The following DAPK1 variants were observed in gnomAD, a reference collection of about 807,000 sequenced individuals.
DAPK1 encodes death associated protein kinase 1.
Under a neutral mutation model 144.9 loss-of-function variants are expected in DAPK1, and 56 were observed. That is an observed-to-expected ratio of 0.39 (90% CI 0.31 to 0.48). DAPK1 has a LOEUF of 0.48. DAPK1 is among the 20% of genes least tolerant of loss of function. The probability of loss-of-function intolerance (pLI) is 0.95; values close to 1 mark genes in which losing one functional copy is unlikely to be tolerated. For synonymous variants in DAPK1, 690 were observed against 749.0 expected, an observed-to-expected ratio of 0.92 and a Z score of 1.29; for missense variants, 1,454 against 1,875.4, an observed-to-expected ratio of 0.78 and a Z score of 4.15.
chr9:87,585,816 G>A (rs1050920676), intron 2 of DAPK1, among the ~76,000 whole-genome samples: 1 of 152,178 alleles, frequency 6.6e-6, no homozygotes, highest in Non-Finnish European at 1.5e-5. Flanking sequence ...AAGATGTGCT[G>A]TGTGTGTGTA....
chr9:87,676,175 A>AG (rs1824371131), intron 19 of DAPK1, among the ~76,000 whole-genome samples: 1 of 152,198 alleles, frequency 6.6e-6, no homozygotes, highest in African/African-American at 2.4e-5. Flanking sequence ...CACCTGGCCC[A>AG]GCCAGGGAGG....
At chr9:87,647,469 T>G (rs1830308566) in intron 14 of DAPK1, 66 bp downstream of exon 14, 2 of 1,342,162 alleles carry the variant, frequency 1.5e-6, no homozygotes, top group African/African-American at 2.9e-5. Flanking sequence ...GTGTGAGTGC[T>G]GGCCTACCGT....
chr9:87,514,154 C>T (rs1033825693), intron 2 of DAPK1, among the ~76,000 whole-genome samples: 2 of 152,136 alleles, frequency 1.3e-5, no homozygotes, highest in African/African-American at 4.8e-5. Flanking sequence ...GAGGCTAGAG[C>T]TGGTGTAGGG....
chr9:87,515,786 C>T (rs1171526093), intron 2 of DAPK1, among the ~76,000 whole-genome samples: 1 of 152,138 alleles, frequency 6.6e-6, no homozygotes, highest in East Asian at 1.9e-4. Context: ...GTAACAGCTT[C>T]CACCAGGGTG....
At chr9:87,644,528 G>A (rs1005947347) in intron 11 of DAPK1, among the ~76,000 whole-genome samples, 2 of 151,980 alleles carry the variant, frequency 1.3e-5, no homozygotes, top group Non-Finnish European at 1.5e-5. Flanking sequence ...AGTGAAATGG[G>A]ATTGGAGATG....
chr9:87,572,893 T>C (rs377337040), intron 2 of DAPK1, among the ~76,000 whole-genome samples: 2 of 152,206 alleles, frequency 1.3e-5, no homozygotes, highest in African/African-American at 2.4e-5. Flanking sequence ...ATGAAGCCCA[T>C]GCTGCGGCCC....
intron 3 of DAPK1, among the ~76,000 whole-genome samples, chr9:87,619,210 A>C (rs564800871): frequency 6.8e-4 from 103 of 152,248 alleles, no homozygotes; most frequent in African/African-American, 2.4e-3. Context: ...TTGTTTTTGT[A>C]CTTGTGTTTT....
At chr9:87,610,151 A>G (rs36208055) in intron 3 of DAPK1, among the ~76,000 whole-genome samples, 5,530 of 152,320 alleles carry the variant, frequency 0.036, 181 homozygotes, top group East Asian at 0.12. Context: ...CTTTAAAGGC[A>G]TATGTTTTTC....
chr9:87,557,634 G>A (rs997309349), intron 2 of DAPK1, among the ~76,000 whole-genome samples: 9 of 151,980 alleles, frequency 5.9e-5, no homozygotes, highest in African/African-American at 2.2e-4. Context: ...AAAATGTGTT[G>A]GATTTTAAAA....
intron 19 of DAPK1, among the ~76,000 whole-genome samples, chr9:87,676,507 G>A (rs556883429): frequency 4.6e-5 from 7 of 152,368 alleles, no homozygotes; most frequent in South Asian, 2.1e-4. Flanking sequence ...TGAGCAGGAC[G>A]AGGGGTCATC....
intron 2 of DAPK1, among the ~76,000 whole-genome samples, chr9:87,534,796 C>T (rs1407496589): frequency 1.3e-5 from 2 of 152,002 alleles, no homozygotes; most frequent in Non-Finnish European, 2.9e-5. Flanking sequence ...AGGCACGTGC[C>T]ACCACGCCTG....
chr9:87,548,443 C>T (rs1405160993), intron 2 of DAPK1, among the ~76,000 whole-genome samples: 3 of 152,158 alleles, frequency 2.0e-5, no homozygotes, highest in African/African-American at 7.2e-5. Flanking sequence ...TACATTTCTC[C>T]TGTTCCTGGG....
At chr9:87,701,774 G>T in intron 24 of DAPK1, 1 of 410,446 alleles carries the variant, frequency 2.4e-6, no homozygotes, top group South Asian at 1.8e-5. Flanking sequence ...TGTGCTTCCC[G>T]CACCAGATTC....
Position 87,604,549 on chromosome 9 carries a change from A to T in DAPK1, c.63-405A>T, listed in dbSNP as rs562634683. ...TTGTTGAAGGCAGGACTTCATATAT[A>T]TTTTTTTTTACCGATTCCCTGGTCT... On this transcript the variant is annotated intron_variant, in intron 2 of 25. Transcript: ENST00000408954. Among the ~76,000 whole-genome samples the T allele has an allele frequency of 2.1e-3, 314 of 151,470 alleles. 3 individuals carry two copies. The highest frequency in any genetic ancestry group is 7.3e-3 in the African/African-American group (303 of 41,272).
At chr9:87,644,373 C>T (rs533597560) in intron 11 of DAPK1, among the ~76,000 whole-genome samples, 5 of 151,866 alleles carry the variant, frequency 3.3e-5, no homozygotes, top group African/African-American at 4.8e-5. Flanking sequence ...GGTTGTCCTG[C>T]GGGAACTACC....
chr9:87,605,404 A>G (rs375272111), intron 3 of DAPK1, among the ~76,000 whole-genome samples: 19 of 152,284 alleles, frequency 1.2e-4, no homozygotes, highest in African/African-American at 4.6e-4. Flanking sequence ...CCCAGTTTGC[A>G]AGAGGGTCTC....
intron 3 of DAPK1, among the ~76,000 whole-genome samples, chr9:87,616,668 G>C (rs893966737): frequency 2.0e-5 from 3 of 152,176 alleles, no homozygotes; most frequent in African/African-American, 7.2e-5. Flanking sequence ...TGATGGGGAA[G>C]CACCCTCTGA....
At chr9:87,628,727 G>A (rs376597019) in intron 3 of DAPK1, among the ~76,000 whole-genome samples, 23 of 152,122 alleles carry the variant, frequency 1.5e-4, no homozygotes, top group African/African-American at 4.3e-4. Flanking sequence ...GGATAGTTAC[G>A]GTAAAGGAGG....
chr9:87,514,977 G>C (rs1824989453), intron 2 of DAPK1, among the ~76,000 whole-genome samples: 1 of 152,214 alleles, frequency 6.6e-6, no homozygotes, highest in South Asian at 2.1e-4. Flanking sequence ...AGAGTGTTCT[G>C]TTCTGGGAGA....
Sources: gnomAD v4.1 joint callset for allele counts (sites outside exome capture counted in the v4.1 genomes callset) on GRCh38, gnomAD v4.1.1 for gene constraint, MANE v1.5 for transcripts, NCBI Gene and HGNC (gene_info 2026-07-23, HGNC 2026-07-21) for gene names.